Variants in PPP1R12A observed in about 807,000 individuals in gnomAD.
The protein encoded by PPP1R12A is myosin binding subunit.
In PPP1R12A, 19 loss-of-function variants were observed where a neutral mutation model predicts 139.6. The observed-to-expected ratio is 0.14, with a 90% confidence interval of 0.09 to 0.20. The LOEUF is 0.20. PPP1R12A is among the 10% of genes least tolerant of loss of function. The pLI, the probability that PPP1R12A is intolerant of heterozygous loss-of-function variation, is 1.00. For synonymous variants in PPP1R12A, 427 were observed against 420.6 expected (o/e 1.02, Z -0.19); for missense variants, 925 against 1,211.5 (o/e 0.76, Z 3.51).
At chr12:79,856,613 GC>G (rs1220714584) in intron 2 of PPP1R12A, among the ~76,000 whole-genome samples, 1 of 152,196 alleles carries the variant, frequency 6.6e-6, no homozygotes, top group East Asian at 1.9e-4. Context: ...GAAGTCAACA[GC>G]AAAGCAATTT....
chr12:79,932,390 A>T (rs1055398300), intron 1 of PPP1R12A, among the ~76,000 whole-genome samples: 1 of 152,206 alleles, frequency 6.6e-6, no homozygotes, highest in Non-Finnish European at 1.5e-5. Flanking sequence ...AAAGTACAAG[A>T]GTTGATAAAT....
chr12:79,903,348 G>C (rs1885813950), intron 1 of PPP1R12A, among the ~76,000 whole-genome samples: 1 of 151,968 alleles, frequency 6.6e-6, no homozygotes, highest in Non-Finnish European at 1.5e-5. Context: ...CTACTCGGGA[G>C]GCTGAGGCAG....
At chr12:79,934,584 G>A (rs1888526174) in intron 1 of PPP1R12A, 111 bp downstream of exon 1, 2 of 1,027,926 alleles carry the variant, frequency 1.9e-6, no homozygotes, top group Admixed American at 6.3e-5. Context: ...CCCGCAGCAG[G>A]GAGTCTCCCG....
chr12:79,906,805 A>G (rs1449159184), intron 1 of PPP1R12A, among the ~76,000 whole-genome samples: 1 of 152,016 alleles, frequency 6.6e-6, no homozygotes, highest in African/African-American at 2.4e-5. Context: ...CACCACGCCC[A>G]GCTAACTTTT....
chr12:79,800,246 TG>T (rs1872951626), intron 14 of PPP1R12A, among the ~76,000 whole-genome samples: 1 of 152,154 alleles, frequency 6.6e-6, no homozygotes, highest in Non-Finnish European at 1.5e-5. Flanking sequence ...ACACCAAGTG[TG>T]CCTGCCTCTT....
chr12:79,894,132 TGA>T (rs1246256866), intron 1 of PPP1R12A, among the ~76,000 whole-genome samples: 2 of 152,192 alleles, frequency 1.3e-5, no homozygotes, highest in African/African-American at 4.8e-5. Context: ...CATAACATAA[TGA>T]GACTGCTTTT....
chr12:79,784,626 G>A (rs1870884480), intron 22 of PPP1R12A, among the ~76,000 whole-genome samples: 1 of 152,060 alleles, frequency 6.6e-6, no homozygotes, highest in Non-Finnish European at 1.5e-5. Context: ...ATAGTAGGGA[G>A]CAGTGGATAT....
chr12:79,781,917 A>T, intron 22 of PPP1R12A, 55 bp from the exon 23 acceptor site: 1 of 1,044,250 alleles, frequency 9.6e-7, no homozygotes, highest in Non-Finnish European at 1.4e-6. Context: ...TTCAGGGGTG[A>T]CCACAGTAAT....
intron 15 of PPP1R12A, 46 bp downstream of exon 15, chr12:79,798,446 TTA>T: frequency 7.9e-7 from 1 of 1,261,908 alleles, no homozygotes; most frequent in Non-Finnish European, 1.1e-6. Flanking sequence ...TATATATATT[TTA>T]TATGCTACTT....
intron 1 of PPP1R12A, among the ~76,000 whole-genome samples, chr12:79,880,192 G>GC (rs1883499867): frequency 6.6e-6 from 1 of 152,038 alleles, no homozygotes; most frequent in Non-Finnish European, 1.5e-5. Context: ...TCACATAAGG[G>GC]CCATAATAGC....
intron 1 of PPP1R12A, among the ~76,000 whole-genome samples, chr12:79,882,067 G>A (rs1253617695): frequency 1.3e-5 from 2 of 152,102 alleles, no homozygotes; most frequent in African/African-American, 2.4e-5. Flanking sequence ...TCACCCAAGG[G>A]GTCTGATGGG....
intron 14 of PPP1R12A, among the ~76,000 whole-genome samples, chr12:79,800,809 C>T (rs1271871788): frequency 6.6e-6 from 1 of 151,018 alleles, no homozygotes; most frequent in Non-Finnish European, 1.5e-5. Context: ...TCTTGGCTCA[C>T]TGCAAGCTTT....
intron 14 of PPP1R12A, among the ~76,000 whole-genome samples, chr12:79,800,608 G>C (rs1046878148): frequency 2.0e-5 from 3 of 151,572 alleles, no homozygotes; most frequent in African/African-American, 7.3e-5. Flanking sequence ...CCTAACCCTT[G>C]CATTGTTCAA....
At position 79,774,969 on chromosome 12, in the gene PPP1R12A, C is replaced by T. The variant is rs553084562; in HGVS notation, c.*960G>A. ...TGTGTAACTTTTAAAGTCTTTATAT[C>T]ACATTGTTAGCAAATTTTGTTTTTT... On this transcript the variant is annotated 3_prime_UTR_variant, in exon 25 of 25. Transcript: ENST00000450142. 1 of 152,438 alleles carries T rather than the reference C, an allele frequency of 6.6e-6. No individual in the cohort carries two copies. The highest frequency in any genetic ancestry group is 1.9e-4 in the East Asian group (1 of 5,186). 9.4% of individuals were successfully genotyped at this position (152,438 alleles called of 1,614,324 possible).
intron 2 of PPP1R12A, among the ~76,000 whole-genome samples, chr12:79,850,247 C>T (rs1879886350): frequency 6.6e-6 from 1 of 152,042 alleles, no homozygotes; most frequent in African/African-American, 2.4e-5. Context: ...AGACATGATC[C>T]AAAAGGATTT....
chr12:79,777,990 A>T (rs1869945088), intron 24 of PPP1R12A, among the ~76,000 whole-genome samples: 2 of 152,156 alleles, frequency 1.3e-5, no homozygotes, highest in South Asian at 4.1e-4. Context: ...ACAATGTGAT[A>T]AAGATTTTAT....
chr12:79,846,054 G>A (rs1016554010), intron 2 of PPP1R12A, among the ~76,000 whole-genome samples: 2 of 152,016 alleles, frequency 1.3e-5, no homozygotes, highest in Admixed American at 1.3e-4. Flanking sequence ...GTAAAATTCA[G>A]AAGGTTCATA....
intron 1 of PPP1R12A, among the ~76,000 whole-genome samples, chr12:79,904,467 T>C (rs1885920453): frequency 6.6e-6 from 1 of 152,124 alleles, no homozygotes; most frequent in Non-Finnish European, 1.5e-5. Context: ...CTTTTCCCTA[T>C]AATGGGAAAG....
intron 3 of PPP1R12A, among the ~76,000 whole-genome samples, chr12:79,837,437 A>G (rs1878217776): frequency 6.6e-6 from 1 of 152,218 alleles, no homozygotes; most frequent in Non-Finnish European, 1.5e-5. Context: ...TTATTGATCA[A>G]ATGTACTGGA....
Sources: allele counts gnomAD v4.1 joint callset (sites outside exome capture counted in the v4.1 genomes callset), GRCh38; gene constraint gnomAD v4.1.1; transcripts MANE v1.5; gene names NCBI Gene and HGNC (gene_info 2026-07-23, HGNC 2026-07-21).